CNTNAP5: variants seen among roughly 807,000 people sequenced by gnomAD.
CNTNAP5 encodes contactin associated protein family member 5.
Under a neutral mutation model 150.2 loss-of-function variants are expected in CNTNAP5, and 72 were observed. The ratio of observed to expected loss-of-function variants is 0.48; its 90% CI spans 0.40 to 0.58. The LOEUF is 0.58. Among genes scored for constraint, CNTNAP5 ranks in the 20% least tolerant of loss-of-function variants. The pLI is 0.00. For synonymous variants in CNTNAP5, 672 were observed against 619.8 expected (o/e 1.08, Z -1.25); for missense variants, 1,636 against 1,626.2 (o/e 1.01, Z -0.10).
At chr2:124,228,758 C>T (rs1429722368) in intron 2 of CNTNAP5, among the ~76,000 whole-genome samples, 1 of 152,076 alleles carries the variant, frequency 6.6e-6, no homozygotes, top group Non-Finnish European at 1.5e-5. Flanking sequence ...TAGTGAATTT[C>T]TTCTACTCTA....
At chr2:124,601,566 C>G (rs1375659403) in intron 11 of CNTNAP5, among the ~76,000 whole-genome samples, 1 of 152,122 alleles carries the variant, frequency 6.6e-6, no homozygotes, top group Admixed American at 6.5e-5. Flanking sequence ...TTAAAGGGAA[C>G]AGCCTATACG....
chr2:124,389,358 A>G (rs555092455), intron 3 of CNTNAP5, among the ~76,000 whole-genome samples: 18 of 152,324 alleles, frequency 1.2e-4, no homozygotes, highest in Middle Eastern at 6.8e-3. Flanking sequence ...TGTCAGTAAT[A>G]AGAATGTAAT....
chr2:124,465,739 A>G (rs1185973057), intron 6 of CNTNAP5, among the ~76,000 whole-genome samples: 2 of 152,222 alleles, frequency 1.3e-5, no homozygotes, highest in East Asian at 3.8e-4. Flanking sequence ...TCTCAATGCA[A>G]AAGACAAAAG....
At position 124,569,195 on chromosome 2, in the gene CNTNAP5, ACT is replaced by A. The variant is rs1358649053; in HGVS notation, c.1756+5875_1756+5876del. On this transcript the variant is annotated intron_variant, in intron 11 of 23. Transcript: ENST00000682447. ...TCATATTTCCAACTTGTTTTCCTAAACTCTTATTACGGTTTACACTCTGATCA... is the reference window on the plus strand; with the variant it reads ...TCATATTTCCAACTTGTTTTCCTAAACTTATTACGGTTTACACTCTGATCA... Among the ~76,000 whole-genome samples, 7 of 151,748 alleles carry A rather than the reference ACT, an allele frequency of 4.6e-5. No homozygotes were observed. The South Asian group carries it at 1.3e-3, about 27-fold the overall frequency.
intron 6 of CNTNAP5, among the ~76,000 whole-genome samples, chr2:124,452,869 T>C (rs949253013): frequency 6.6e-6 from 1 of 152,094 alleles, no homozygotes; most frequent in Admixed American, 6.5e-5. Flanking sequence ...CATAAGGAAC[T>C]GTACAACAGC....
At chr2:124,363,774 C>A (rs577105222) in intron 3 of CNTNAP5, among the ~76,000 whole-genome samples, 2 of 152,190 alleles carry the variant, frequency 1.3e-5, no homozygotes, top group Admixed American at 6.5e-5. Flanking sequence ...ATTACCTTGA[C>A]TGTGGTGATA....
intron 6 of CNTNAP5, among the ~76,000 whole-genome samples, chr2:124,459,985 C>T (rs2104819650): frequency 6.6e-6 from 1 of 152,226 alleles, no homozygotes; most frequent in Non-Finnish European, 1.5e-5. Flanking sequence ...GTCTTAGGCT[C>T]ACCTTATGTA....
At chr2:124,521,662 G>A (rs1694849127) in intron 8 of CNTNAP5, among the ~76,000 whole-genome samples, 1 of 152,030 alleles carries the variant, frequency 6.6e-6, no homozygotes, top group Non-Finnish European at 1.5e-5. Flanking sequence ...TGGCCTTTAG[G>A]GAGTATTTAG....
intron 4 of CNTNAP5, among the ~76,000 whole-genome samples, chr2:124,432,156 C>T (rs1692407063): frequency 1.3e-5 from 2 of 152,128 alleles, no homozygotes; most frequent in Admixed American, 1.3e-4. Flanking sequence ...CTAGGGAAAC[C>T]CAAAGTTCAG....
rs143916077 is a variant in CNTNAP5, at chr2:124,526,239, T to C, written c.1478-1046T>C. On this transcript the variant is annotated intron_variant, in intron 9 of 23. Coordinates refer to ENST00000682447, the MANE Select transcript of CNTNAP5 (RefSeq NM_001367498.1). ...GTGATTTGAACAGTGTTTAAACAAA[T>C]GCCCCACGCGTAGACTGTAAACTTA... 5.3e-5 allele frequency among the ~76,000 whole-genome samples: 8 copies of C among 152,266 alleles called. No homozygotes were observed. In the East Asian group the frequency reaches 1.5e-3, roughly 29 times the overall value.
chr2:124,409,994 T>G (rs1691703224), intron 3 of CNTNAP5, among the ~76,000 whole-genome samples: 1 of 150,408 alleles, frequency 6.6e-6, no homozygotes, highest in Admixed American at 6.6e-5. Context: ...CCATCTCACG[T>G]GCAGAGACAC....
chr2:124,899,088 C>T (rs879110527), intron 21 of CNTNAP5, among the ~76,000 whole-genome samples: 2 of 151,504 alleles, frequency 1.3e-5, no homozygotes, highest in Admixed American at 6.6e-5. Context: ...TCACGTTAAA[C>T]ATCTTGACTT....
At chr2:124,352,497 A>G (rs1008650480) in intron 3 of CNTNAP5, among the ~76,000 whole-genome samples, 2 of 152,202 alleles carry the variant, frequency 1.3e-5, no homozygotes, top group Non-Finnish European at 2.9e-5. Context: ...TACCAAGTCT[A>G]GATGAAGAGT....
chr2:124,029,242 CT>C (rs1573701794), intron 1 of CNTNAP5, among the ~76,000 whole-genome samples: 2 of 152,160 alleles, frequency 1.3e-5, no homozygotes, highest in East Asian at 3.9e-4. Context: ...AGGAGATGAA[CT>C]ATACTTTGAG....
At chr2:124,573,004 C>T (rs1335526928) in intron 11 of CNTNAP5, among the ~76,000 whole-genome samples, 3 of 152,270 alleles carry the variant, frequency 2.0e-5, no homozygotes, top group African/African-American at 7.2e-5. Flanking sequence ...ATATTTGGCA[C>T]CTAGTTACAC....
intron 16 of CNTNAP5, among the ~76,000 whole-genome samples, chr2:124,768,415 A>T (rs2104606123): frequency 6.6e-6 from 1 of 152,248 alleles, no homozygotes; most frequent in African/African-American, 2.4e-5. Context: ...AATATTACAA[A>T]ATATGATGTT....
At chr2:124,508,851 A>G (rs1694477844) in intron 8 of CNTNAP5, among the ~76,000 whole-genome samples, 1 of 152,254 alleles carries the variant, frequency 6.6e-6, no homozygotes, top group Non-Finnish European at 1.5e-5. Context: ...ACAAATAATC[A>G]AACAAAAACA....
At chr2:124,849,589 T>C (rs1683114628) in intron 19 of CNTNAP5, among the ~76,000 whole-genome samples, 1 of 152,210 alleles carries the variant, frequency 6.6e-6, no homozygotes, top group Non-Finnish European at 1.5e-5. Context: ...GGAATTTTAA[T>C]AAGAACTGCA....
intron 3 of CNTNAP5, among the ~76,000 whole-genome samples, chr2:124,274,498 T>TA (rs1687838492): frequency 6.6e-6 from 1 of 151,912 alleles, no homozygotes; most frequent in South Asian, 2.1e-4. Context: ...AATCAGGTTT[T>TA]TTTTTCCGCT....
Sources: allele counts gnomAD v4.1 joint callset (sites outside exome capture counted in the v4.1 genomes callset), GRCh38; gene constraint gnomAD v4.1.1; transcripts MANE v1.5; gene names NCBI Gene and HGNC (gene_info 2026-07-23, HGNC 2026-07-21).